The following ARNT2 variants were observed in gnomAD, a reference collection of about 807,000 sequenced individuals.
ARNT2 encodes the protein aryl hydrocarbon receptor nuclear translocator 2.
ARNT2 carries 36 observed loss-of-function variants against 91.7 expected under a neutral mutation model. The ratio of observed to expected loss-of-function variants is 0.39; its 90% CI spans 0.30 to 0.52. ARNT2 has a LOEUF of 0.52. Ranked by LOEUF, ARNT2 falls within the 20% of genes least tolerant of loss-of-function variation. The probability of loss-of-function intolerance (pLI) is 0.72; values close to 1 mark genes in which losing one functional copy is unlikely to be tolerated. For synonymous variants in ARNT2, 365 were observed against 347.1 expected (o/e 1.05, Z -0.57); for missense variants, 775 against 939.3 (o/e 0.83, Z 2.29).
intron 1 of ARNT2, among the ~76,000 whole-genome samples, chr15:80,447,231 G>A (rs1164294060): frequency 5.3e-5 from 8 of 152,160 alleles, no homozygotes; most frequent in Admixed American, 3.3e-4. Context: ...ACAGTGGGGA[G>A]TGTGTTTGCT....
chr15:80,470,516 C>A, intron 4 of ARNT2, 85 bp downstream of exon 4: 1 of 1,442,008 alleles, frequency 6.9e-7, no homozygotes, highest in Non-Finnish European at 9.5e-7. Flanking sequence ...GGAACCAGGG[C>A]TCAAGGTTGA....
At chr15:80,528,305 A>G (rs755440350) in intron 8 of ARNT2, among the ~76,000 whole-genome samples, 4 of 152,192 alleles carry the variant, frequency 2.6e-5, no homozygotes, top group African/African-American at 9.7e-5. Context: ...CACTCTGCCA[A>G]TGGAGCTGAA....
intron 12 of ARNT2, among the ~76,000 whole-genome samples, chr15:80,568,976 C>A (rs909906323): frequency 6.6e-6 from 1 of 152,122 alleles, no homozygotes; most frequent in East Asian, 1.9e-4. Flanking sequence ...TTGACTGGAC[C>A]GTGCTGCTCC....
intron 8 of ARNT2, among the ~76,000 whole-genome samples, chr15:80,519,377 T>G (rs1471092691): frequency 1.3e-5 from 2 of 152,220 alleles, no homozygotes; most frequent in Non-Finnish European, 2.9e-5. Context: ...CTTTTGAGTC[T>G]TTGATCAGCC....
rs191937433 is a variant in ARNT2 at position 80,597,252 on chromosome 15, C to G, written c.*3554C>G. On this transcript the variant is annotated 3_prime_UTR_variant, in exon 19 of 19. Coordinates refer to ENST00000303329, the MANE Select transcript of ARNT2 (RefSeq NM_014862.4). ...CACTTTAGGCAGCCCATAAGCTATG[C>G]GAGAATGTGAACGCTCACCTTGCTC... 5 of 518,310 alleles carry G rather than the reference C, an allele frequency of 9.6e-6. No homozygotes were observed. The East Asian group carries it at 2.7e-4, about 28-fold the overall frequency. 32.1% of individuals were successfully genotyped at this position (518,310 alleles called of 1,614,324 possible). A position where few individuals can be genotyped will look rare whatever the true frequency, so the allele number is the denominator to read the frequency against.
chr15:80,485,866 G>A (rs924958187), intron 5 of ARNT2, among the ~76,000 whole-genome samples: 3 of 152,212 alleles, frequency 2.0e-5, no homozygotes, highest in Admixed American at 6.5e-5. Flanking sequence ...TTATCTATGC[G>A]AGGGCTGATG....
At chr15:80,586,846 A>G (rs557773286) in intron 17 of ARNT2, among the ~76,000 whole-genome samples, 9 of 152,120 alleles carry the variant, frequency 5.9e-5, no homozygotes, top group Admixed American at 1.3e-4. Flanking sequence ...ATTTCAAAAA[A>G]AAAAAAAAAG....
intron 12 of ARNT2, among the ~76,000 whole-genome samples, chr15:80,564,651 T>C (rs1185624388): frequency 2.0e-5 from 3 of 151,958 alleles, no homozygotes; most frequent in Non-Finnish European, 4.4e-5. Flanking sequence ...TAGCTCCCAA[T>C]AGGTGATTTT....
chr15:80,484,212 C>T (rs997420408), intron 5 of ARNT2, among the ~76,000 whole-genome samples: 2 of 151,284 alleles, frequency 1.3e-5, no homozygotes, highest in South Asian at 2.1e-4. Context: ...GATTTGATCT[C>T]GACTCAACTA....
At chr15:80,414,444 G>C (rs1005834258) in intron 1 of ARNT2, among the ~76,000 whole-genome samples, 2 of 152,148 alleles carry the variant, frequency 1.3e-5, no homozygotes, top group Non-Finnish European at 2.9e-5. Context: ...AGTTTCACAA[G>C]GACATGTGGC....
rs145425954 is a variant in ARNT2, at chr15:80,515,313, C to T, written c.877+908C>T. On this transcript the variant is annotated intron_variant, in intron 8 of 18. Coordinates refer to ENST00000303329, the MANE Select transcript of ARNT2 (RefSeq NM_014862.4). The stretch of plus-strand genomic sequence containing the variant: ...TTCATAGCAACATCATTCATAATGG[C>T]CAAAAAATGGAAACAACTCAAATGT... 7.2e-5 allele frequency among the ~76,000 whole-genome samples: 11 copies of T among 151,782 alleles called. No individual in the cohort carries two copies. The East Asian group carries it at 2.1e-3, about 29-fold the overall frequency.
intron 12 of ARNT2, among the ~76,000 whole-genome samples, chr15:80,567,196 A>T (rs1567003640): frequency 6.6e-6 from 1 of 152,164 alleles, no homozygotes; most frequent in Non-Finnish European, 1.5e-5. Flanking sequence ...AGCTCTTGAG[A>T]CAGGGTAACA....
chr15:80,417,554 C>T (rs200562693), intron 1 of ARNT2, among the ~76,000 whole-genome samples: 39 of 150,270 alleles, frequency 2.6e-4, no homozygotes, highest in Non-Finnish European at 5.9e-5. Flanking sequence ...CTTCCTTCTC[C>T]TTTCTTTTCT....
intron 5 of ARNT2, among the ~76,000 whole-genome samples, chr15:80,489,668 C>T (rs1897025293): frequency 6.6e-6 from 1 of 152,202 alleles, no homozygotes; most frequent in Admixed American, 6.5e-5. Flanking sequence ...GAGCTGGCCA[C>T]CTCAGAAGAT....
chr15:80,531,294 C>T (rs993694837), intron 8 of ARNT2, among the ~76,000 whole-genome samples: 2 of 152,164 alleles, frequency 1.3e-5, no homozygotes, highest in African/African-American at 2.4e-5. Flanking sequence ...TGGCTAATGC[C>T]GAGTTTCATC....
chr15:80,415,903 A>T (rs969275306), intron 1 of ARNT2, among the ~76,000 whole-genome samples: 1 of 152,126 alleles, frequency 6.6e-6, no homozygotes. Context: ...AGGCACCTTG[A>T]GCTCAAGACC....
chr15:80,517,000 T>C (rs1897446752), intron 8 of ARNT2, among the ~76,000 whole-genome samples: 1 of 151,534 alleles, frequency 6.6e-6, no homozygotes. Flanking sequence ...AATACATTGT[T>C]ACTGTTATTG....
intron 8 of ARNT2, among the ~76,000 whole-genome samples, chr15:80,531,321 A>T (rs1897736639): frequency 6.6e-6 from 1 of 152,228 alleles, no homozygotes; most frequent in Non-Finnish European, 1.5e-5. Flanking sequence ...AGCAGTTTCC[A>T]GTTAAATTTC....
chr15:80,412,126 C>T (rs1280579441), intron 1 of ARNT2, among the ~76,000 whole-genome samples: 1 of 152,220 alleles, frequency 6.6e-6, no homozygotes, highest in East Asian at 1.9e-4. Flanking sequence ...AGCTGAGGCT[C>T]TTTGCAGATA....
Sources: gnomAD v4.1 joint callset for allele counts (sites outside exome capture counted in the v4.1 genomes callset) on GRCh38, gnomAD v4.1.1 for gene constraint, MANE v1.5 for transcripts, NCBI Gene and HGNC (gene_info 2026-07-23, HGNC 2026-07-21) for gene names.